Variants in DPP7 observed in about 807,000 individuals in gnomAD.
The protein encoded by DPP7 is dipeptidyl peptidase 2.
Under a neutral mutation model 58.8 loss-of-function variants are expected in DPP7, and 74 were observed. The observed-to-expected ratio is 1.26, with a 90% CI of 1.04 to 1.53. The LOEUF (loss-of-function observed/expected upper bound fraction) is 1.53, where lower values mean the gene tolerates loss of function less well. Among genes scored for constraint, DPP7 ranks in the 40% most tolerant of loss-of-function variants. The pLI, the probability that DPP7 is intolerant of heterozygous loss-of-function variation, is 0.00. For synonymous variants in DPP7, 350 were observed against 303.6 expected (o/e 1.15, Z -1.59); for missense variants, 807 against 692.3 (o/e 1.17, Z -1.86).
Position 137,114,256 on chromosome 9 carries a change from A to AC in DPP7, c.307dup (p.Val103GlyfsTer108), listed in dbSNP as rs747931612. On this transcript the variant is annotated frameshift_variant, in exon 3 of 13. Coordinates refer to ENST00000371579, the MANE Select transcript of DPP7 (RefSeq NM_013379.3). LOFTEE classifies it high-confidence loss of function. ...CCCGGCACCCACGTGCTCCGCGAAG[A>AC]CCAGTAGAGCCCCCCGCTCGGCCGC... The AC allele has an allele frequency of 1.3e-6, 2 of 1,591,492 alleles. No homozygotes were observed.
Position 137,110,774 on chromosome 9 carries a change from GTGGGAGGCTC to G in DPP7, c.1344-1_1352del, listed in dbSNP as rs772716097. On this transcript the variant is annotated splice_acceptor_variant and coding_sequence_variant, in exon 13 of 13. Transcript: ENST00000371579. LOFTEE classifies it high-confidence loss of function. ...CAACCACGGAAGCAGGATCTTCTGG[GTGGGAGGCTC>G]TGGGGAGCGGGCACAGAGGGGGCCC... 1 of 1,605,558 alleles carries G rather than the reference GTGGGAGGCTC, an allele frequency of 6.2e-7. No individual in the cohort carries two copies. Among genetic ancestry groups the G allele is most frequent in the Admixed American group, 1.7e-5 (1 of 59,924 alleles).
At chr9:137,115,901 C>CAG (rs1275688925), upstream of DPP7, among the ~76,000 whole-genome samples, 5 of 152,200 alleles carry the variant, frequency 3.3e-5, no homozygotes, top group African/African-American at 9.7e-5. Context: ...GGACAAACAG[C>CAG]AGACCTCCTT....
Position 137,114,671 on chromosome 9 carries a change from C to G in DPP7, c.43G>C (p.Gly15Arg). The part of the protein sequence containing the change: ...PWAPVLLLAL[G>R]LRGLQAGARR... ...CCCCCCGCCTGGAGGCCGCGCAGCC[C>G]GAGCGCCAGCAGCAGGACCGGGGCC... The change falls in exon 1 of 13, where the codon GGG becomes CGG. Residue 15 changes from glycine to arginine, a missense_variant. Gly to Arg is a moderately radical substitution (Grantham distance 125). Transcript: ENST00000371579. 7.4e-7 allele frequency: 1 copy of G among 1,359,260 alleles called. No homozygotes were observed. The highest frequency in any genetic ancestry group is 9.5e-7 in the Non-Finnish European group (1 of 1,057,516). The allele number at this position is 1,359,260 out of a possible 1,614,324, so 84.2% of individuals were successfully genotyped here. A position where few individuals can be genotyped will look rare whatever the true frequency, so the allele number is the denominator to read the frequency against.
At chr9:137,117,651 T>C (rs562706204), upstream of DPP7, among the ~76,000 whole-genome samples, 1 of 152,266 alleles carries the variant, frequency 6.6e-6, no homozygotes, top group African/African-American at 2.4e-5. Flanking sequence ...ACACATCACG[T>C]CTGTGCTGTC....
Position 137,112,450 on chromosome 9 carries a change from G to A in DPP7, c.932-220C>T, listed in dbSNP as rs866883622. ...TGTTGAGGGCCCCCCCGCTCTCCAC[G>A]GGGCAGGGTGGGGCCTGCTGCCCTC... is the stretch of plus-strand genomic sequence containing the variant. On this transcript the variant is annotated intron_variant, in intron 8 of 12. Coordinates refer to ENST00000371579, the MANE Select transcript of DPP7 (RefSeq NM_013379.3). 473 of 622,142 alleles carry A rather than the reference G, an allele frequency of 7.6e-4. 1 individual carries two copies. The highest frequency in any genetic ancestry group is 1.4e-4 in the South Asian group (7 of 50,504). 38.5% of individuals were successfully genotyped at this position (622,142 alleles called of 1,614,324 possible). A position where few individuals can be genotyped will look rare whatever the true frequency, so the allele number is the denominator to read the frequency against.
At position 137,112,160 on chromosome 9, in the gene DPP7, G is replaced by A. The variant is rs1831403943; in HGVS notation, c.1002C>T (p.Asp334=). Residue 334 remains aspartate (D), a synonymous_variant, in exon 9 of 13, where the codon GAC becomes GAT. Coordinates refer to ENST00000371579, the MANE Select transcript of DPP7 (RefSeq NM_013379.3). ...DIYRLYHSCA[D]PTGCGTGPDA... ...CGGGGCCGGTGCCGCAGCCAGTGGG[G>A]TCAGCACAGCTGTGGTAGAGCCGGT... 6 of 1,609,606 alleles carry A rather than the reference G, an allele frequency of 3.7e-6. No individual in the cohort carries two copies. Among genetic ancestry groups the A allele is most frequent in the Non-Finnish European group, 5.1e-6 (6 of 1,179,734 alleles).
chr9:137,112,521 C>T (rs1831422080), intron 8 of DPP7: 4 of 664,066 alleles, frequency 6.0e-6, no homozygotes, highest in South Asian at 5.8e-5. Flanking sequence ...TGGGCAGCAC[C>T]CACCAAGCTG....
chr9:137,111,856 C>A lies in DPP7; in HGVS notation c.1207+17G>T, dbSNP rs759863578. 4 of 1,337,702 alleles carry A rather than the reference C, an allele frequency of 3.0e-6. No homozygotes were observed. Among genetic ancestry groups the A allele is most frequent in the Admixed American group, 1.7e-5 (1 of 57,980 alleles). 82.9% of individuals were successfully genotyped at this position (1,337,702 alleles called of 1,614,324 possible). A position where few individuals can be genotyped will look rare whatever the true frequency, so the allele number is the denominator to read the frequency against. ...GGGCAGAAAGCAGGACGCTGGCCCA[C>A]CCCCCCTCAGCCTTACCACCCCCCC... On this transcript the variant is annotated intron_variant, in intron 10 of 12. Coordinates refer to ENST00000371579, the MANE Select transcript of DPP7 (RefSeq NM_013379.3).
rs746513795 is a variant in DPP7 at position 137,113,820 on chromosome 9, G to A, written c.485+45C>T. ...GGAGAAGGGCTGGGGGCGCTGGGTC[G>A]GGGCAGGGGAGGGAGGGGGTGCGGA... On this transcript the variant is annotated intron_variant, in intron 4 of 12. Transcript: ENST00000371579. The A allele has an allele frequency of 1.8e-5, 25 of 1,424,430 alleles. No individual in the cohort carries two copies. In the Admixed American group the frequency reaches 5.8e-4, roughly 33 times the overall value. The allele number at this position is 1,424,430 out of a possible 1,614,324, so 88.2% of individuals were successfully genotyped here. A position where few individuals can be genotyped will look rare whatever the true frequency, so the allele number is the denominator to read the frequency against.
At chr9:137,118,286 C>T (rs1025653177), upstream of DPP7, among the ~76,000 whole-genome samples, 3 of 150,006 alleles carry the variant, frequency 2.0e-5, no homozygotes, top group Non-Finnish European at 4.4e-5. Flanking sequence ...CCACACCCGG[C>T]CTGTTTTAGC....
intron 6 of DPP7, 33 bp from the exon 7 acceptor site, chr9:137,113,152 G>A (rs374295790): frequency 6.1e-5 from 99 of 1,613,744 alleles, no homozygotes; most frequent in African/African-American, 5.1e-4. Context: ...TGAAGTTTGG[G>A]CATAGCTGGC....
chr9:137,118,189 T>C (rs181719412), upstream of DPP7, among the ~76,000 whole-genome samples: 19 of 152,040 alleles, frequency 1.2e-4, 1 homozygote, highest in East Asian at 3.7e-3. Context: ...GTTTTCAGCA[T>C]GTTGGCCAGG....
upstream of DPP7, among the ~76,000 whole-genome samples, chr9:137,116,384 C>G (rs1232961696): frequency 6.6e-6 from 1 of 152,172 alleles, no homozygotes; most frequent in East Asian, 1.9e-4. Flanking sequence ...AACCTTAGCC[C>G]CATCCCTGTG....
In DPP7 at chr9:137,114,515, G is replaced by C. The variant is rs1336418059; in HGVS notation, c.129C>G (p.Phe43Leu). The C allele has an allele frequency of 4.4e-6, 7 of 1,587,154 alleles. No homozygotes were observed. The African/African-American group carries it at 9.5e-5, about 22-fold the overall frequency. The change falls in exon 2 of 13, where the codon TTC becomes TTG. Residue 43 changes from phenylalanine to leucine, a missense_variant. By Grantham distance (22) the Phe-to-Leu change is conservative (BLOSUM62 0). Around this residue, in one of 3 missense-constraint regions of DPP7, gnomAD observed 168 missense variants for 124.1 expected, o/e 1.35. Transcript: ENST00000371579. The stretch of plus-strand genomic sequence containing the variant: ...TCTTGTTGCCGAAGCGCTCGAAGTT[G>C]AAGTGGTCCAGACGCTGCTGGAAGA... ...ERFFQQRLDH[F>L]NFERFGNKTF...
Position 137,110,754 on chromosome 9 carries a change from A to G in DPP7, c.1373T>C (p.Val458Ala), listed in dbSNP as rs370575983. 1.2e-6 allele frequency: 2 copies of G among 1,605,484 alleles called. No homozygotes were observed. Among genetic ancestry groups the G allele is most frequent in the African/African-American group, 1.3e-5 (1 of 74,520 alleles). The change falls in exon 13 of 13, where the codon GTG becomes GCG. Residue 458 changes from valine (V) to alanine (A), a missense_variant. Around this residue, in one of 3 missense-constraint regions of DPP7, gnomAD observed 624 missense variants for 531.2 expected, o/e 1.17. Transcript: ENST00000371579. The part of the protein sequence containing the change: ...RASHPEDPAS[V>A]VEARKLEATI... ...GGCCTCCAGCTTCCGCGCCTCAACC[A>G]CGGAAGCAGGATCTTCTGGGTGGGA...
intron 8 of DPP7, 148 bp downstream of exon 8, chr9:137,112,597 G>A (rs1161979070): frequency 7.2e-6 from 7 of 973,432 alleles, no homozygotes; most frequent in Non-Finnish European, 9.0e-6. Flanking sequence ...AGGGTTTCTG[G>A]GAAGGTCGTG....
At chr9:137,111,326 C>T (rs1461000163) in intron 11 of DPP7, among the ~76,000 whole-genome samples, 51 of 104,644 alleles carry the variant, frequency 4.9e-4, no homozygotes, top group Admixed American at 8.7e-4. Flanking sequence ...TAGGGGCAGG[C>T]GAGGGGCCTG....
At chr9:137,110,823 C>T in intron 12 of DPP7, 40 bp from the exon 13 acceptor site, 1 of 1,602,194 alleles carries the variant, frequency 6.2e-7, no homozygotes, top group Non-Finnish European at 8.5e-7. Context: ...AGCCCCAGCC[C>T]TCGGTGAGCC....
Position 137,113,279 on chromosome 9 carries a change from C to T in DPP7, c.630G>A (p.Glu210=), listed in dbSNP as rs754458629. The change falls in exon 6 of 13, where the codon GAG becomes GAA. Residue 210 remains glutamate (E), a synonymous_variant. Coordinates refer to ENST00000371579, the MANE Select transcript of DPP7 (RefSeq NM_013379.3). ...CCTGGGTGCATTTGGGACTCTGGCCCTCAAAGTCCTGGGGGAAAGAGACCG... is the reference window on the plus strand; with the variant it reads ...CCTGGGTGCATTTGGGACTCTGGCCTTCAAAGTCCTGGGGGAAAGAGACCG... The part of the protein sequence containing the change: ...QFFRDVTADF[E]GQSPKCTQGV... The T allele has an allele frequency of 6.8e-6, 11 of 1,613,638 alleles. 1 individual carries two copies. In the South Asian group the frequency reaches 7.7e-5, roughly 11 times the overall value.
Sources: allele counts gnomAD v4.1 joint callset (sites outside exome capture counted in the v4.1 genomes callset), GRCh38; gene constraint gnomAD v4.1.1; regional missense constraint gnomAD v4.1.1; transcripts MANE v1.5; gene names NCBI Gene and HGNC (gene_info 2026-07-23, HGNC 2026-07-21).